CSMD1: variants seen among roughly 807,000 people sequenced by gnomAD.
CSMD1 encodes the protein CUB and sushi domain-containing protein 1.
CSMD1 carries 213 observed loss-of-function variants against 417.5 expected under a neutral mutation model. That is an observed-to-expected ratio of 0.51 (90% CI 0.46 to 0.57). The LOEUF (loss-of-function observed/expected upper bound fraction) is 0.57, where lower values mean the gene tolerates loss of function less well. Among genes scored for constraint, CSMD1 ranks in the 20% least tolerant of loss-of-function variants. CSMD1 has a pLI of 0.00. For missense variants in CSMD1, 6,923 were observed against 4,529.7 expected, an observed-to-expected ratio of 1.53 and a Z score of -15.17; for synonymous variants, 2,862 against 1,736.8, an observed-to-expected ratio of 1.65 and a Z score of -16.11.
rs143622888 is a variant in CSMD1 at position 3,337,422 on chromosome 8, G to C, written c.3631+5872C>G. Among the ~76,000 whole-genome samples, 148 of 152,278 alleles carry C rather than the reference G, an allele frequency of 9.7e-4. No individual in the cohort carries two copies. In the South Asian group the frequency reaches 0.016, roughly 16 times the overall value. ...ACCCGTGCCTGACTCTCAGCCACAAGGTTTATTCTACAACCAAAATTTAAG... is the reference window on the plus strand; with the variant it reads ...ACCCGTGCCTGACTCTCAGCCACAACGTTTATTCTACAACCAAAATTTAAG... On this transcript the variant is annotated intron_variant, in intron 23 of 69. Coordinates refer to ENST00000635120, the MANE Select transcript of CSMD1 (RefSeq NM_033225.6).
intron 5 of CSMD1, among the ~76,000 whole-genome samples, chr8:3,764,305 G>A (rs1798155635): frequency 6.6e-6 from 1 of 152,190 alleles, no homozygotes; most frequent in South Asian, 2.1e-4. Context: ...TCCTTGTGCT[G>A]TAGGGAAACT....
intron 5 of CSMD1, among the ~76,000 whole-genome samples, chr8:3,867,429 C>T (rs888601357): frequency 3.3e-5 from 5 of 152,048 alleles, no homozygotes; most frequent in Non-Finnish European, 7.4e-5. Flanking sequence ...GGAGTATTTG[C>T]CCTTGAGTCT....
chr8:4,241,724 G>C (rs528955346), intron 3 of CSMD1, among the ~76,000 whole-genome samples: 151 of 142,496 alleles, frequency 1.1e-3, no homozygotes, highest in Non-Finnish European at 1.7e-3. Context: ...TTTTTTTTGA[G>C]ACGGAGTCTC....
chr8:4,667,630 G>C (rs981363977), intron 1 of CSMD1, among the ~76,000 whole-genome samples: 1 of 151,676 alleles, frequency 6.6e-6, no homozygotes, highest in Non-Finnish European at 1.5e-5. Context: ...ATTGCATATG[G>C]GATTAAAAAA....
At chr8:3,296,851 CTG>C (rs1203490935) in intron 25 of CSMD1, among the ~76,000 whole-genome samples, 4 of 152,134 alleles carry the variant, frequency 2.6e-5, no homozygotes, top group Non-Finnish European at 4.4e-5. Flanking sequence ...TGTCTTGGAC[CTG>C]TTGAGTTTAA....
chr8:4,791,878 A>C (rs909577557), intron 1 of CSMD1, among the ~76,000 whole-genome samples: 2 of 152,204 alleles, frequency 1.3e-5, no homozygotes, highest in African/African-American at 4.8e-5. Context: ...TTTAGCTTGC[A>C]TTCAGCAACA....
At chr8:3,849,845 T>C (rs1437055263) in intron 5 of CSMD1, among the ~76,000 whole-genome samples, 2 of 148,552 alleles carry the variant, frequency 1.3e-5, no homozygotes, top group East Asian at 2.0e-4. Flanking sequence ...TGATGGAGTC[T>C]CGCTCTGTCG....
chr8:4,150,292 C>G (rs982575782), intron 3 of CSMD1, among the ~76,000 whole-genome samples: 3 of 152,178 alleles, frequency 2.0e-5, no homozygotes, highest in African/African-American at 4.8e-5. Context: ...AGTCTCCAAG[C>G]TTCCTCAGCT....
intron 9 of CSMD1, among the ~76,000 whole-genome samples, chr8:3,577,516 A>G (rs1800201585): frequency 6.6e-6 from 1 of 152,194 alleles, no homozygotes; most frequent in Non-Finnish European, 1.5e-5. Flanking sequence ...TCTAAAATGA[A>G]TATTGGGAAT....
intron 3 of CSMD1, among the ~76,000 whole-genome samples, chr8:4,101,860 T>C (rs1353473496): frequency 2.6e-5 from 4 of 152,148 alleles, no homozygotes; most frequent in Admixed American, 2.0e-4. Flanking sequence ...AAAATTCAAA[T>C]TGCAATTGCC....
At chr8:3,677,755 C>T (rs183615664) in intron 7 of CSMD1, among the ~76,000 whole-genome samples, 18 of 152,218 alleles carry the variant, frequency 1.2e-4, no homozygotes, top group Admixed American at 9.2e-4. Context: ...CTTTGTAAAA[C>T]GGAAATGAAA....
At chr8:3,999,429 T>A (rs537123561) in intron 4 of CSMD1, among the ~76,000 whole-genome samples, 18 of 152,322 alleles carry the variant, frequency 1.2e-4, no homozygotes, top group Non-Finnish European at 1.8e-4. Context: ...AGTTCCAATA[T>A]TTCTTTCATC....
chr8:4,555,386 A>G (rs528851160), intron 2 of CSMD1, among the ~76,000 whole-genome samples: 1 of 152,254 alleles, frequency 6.6e-6, no homozygotes, highest in African/African-American at 2.4e-5. Context: ...GTCGTGGGCC[A>G]TTTGGGTTTC....
chr8:4,320,370 T>A lies in CSMD1; in HGVS notation c.415+99583A>T, dbSNP rs560678209. On this transcript the variant is annotated intron_variant, in intron 3 of 69. Transcript: ENST00000635120. ...CACACAAATAAACCTTTTTTATTAT[T>A]ATTATACTTTAAGTTGTGAGGGTAC... 1.6e-3 allele frequency among the ~76,000 whole-genome samples: 249 copies of A among 152,270 alleles called. 1 individual carries two copies. The highest frequency in any genetic ancestry group is 6.8e-3 in the Middle Eastern group (2 of 294).
chr8:4,804,519 G>C (rs1357337121), intron 1 of CSMD1, among the ~76,000 whole-genome samples: 1 of 149,846 alleles, frequency 6.7e-6, no homozygotes, highest in Non-Finnish European at 1.5e-5. Context: ...CCAGACAAAA[G>C]AATGGACGTG....
chr8:3,630,120 G>C (rs1796704791), intron 7 of CSMD1, among the ~76,000 whole-genome samples: 1 of 152,248 alleles, frequency 6.6e-6, no homozygotes, highest in African/African-American at 2.4e-5. Flanking sequence ...ATTGTAGCCA[G>C]TTTTATTTAG....
intron 1 of CSMD1, among the ~76,000 whole-genome samples, chr8:4,827,491 C>G (rs986484148): frequency 6.6e-6 from 1 of 152,122 alleles, no homozygotes; most frequent in Non-Finnish European, 1.5e-5. Context: ...TTAAGATGAA[C>G]TGAATATTTT....
intron 3 of CSMD1, among the ~76,000 whole-genome samples, chr8:4,245,365 G>T (rs1163100590): frequency 6.6e-6 from 1 of 152,140 alleles, no homozygotes; most frequent in South Asian, 2.1e-4. Context: ...AAGATTGCAA[G>T]TACCCAGCCT....
At chr8:4,858,350 G>A (rs577773419) in intron 1 of CSMD1, among the ~76,000 whole-genome samples, 124 of 151,734 alleles carry the variant, frequency 8.2e-4, no homozygotes, top group African/African-American at 3.0e-3. Context: ...TTTGAAAACG[G>A]GCACAAGACA....
Sources: allele counts gnomAD v4.1 joint callset (sites outside exome capture counted in the v4.1 genomes callset), GRCh38; gene constraint gnomAD v4.1.1; transcripts MANE v1.5; gene names NCBI Gene and HGNC (gene_info 2026-07-23, HGNC 2026-07-21).